PLCB4: variants seen among roughly 807,000 people sequenced by gnomAD.
PLCB4 encodes the protein phospholipase C beta 4.
In PLCB4, 77 loss-of-function variants were observed where a neutral mutation model predicts 178.8. That is an observed-to-expected ratio of 0.43 (90% CI 0.36 to 0.52). PLCB4 has a LOEUF of 0.52. Among genes scored for constraint, PLCB4 ranks in the 20% least tolerant of loss-of-function variants. The pLI is 0.00. For missense variants in PLCB4, 1,024 were observed against 1,453.4 expected (o/e 0.70, Z 4.80); for synonymous variants, 496 against 490.8 (o/e 1.01, Z -0.14).
chr20:9,214,449 C>G (rs967611701), intron 2 of PLCB4, among the ~76,000 whole-genome samples: 12 of 152,024 alleles, frequency 7.9e-5, no homozygotes, highest in Non-Finnish European at 1.6e-4. Flanking sequence ...CTTTTGTTTG[C>G]ATTAACACTG....
chr20:9,204,162 A>G (rs2093587263), intron 2 of PLCB4, among the ~76,000 whole-genome samples: 1 of 152,184 alleles, frequency 6.6e-6, no homozygotes, highest in Non-Finnish European at 1.5e-5. Context: ...AAGATTCAAA[A>G]TAGTTAAAAT....
At chr20:9,477,349 A>G (rs1363929570) in intron 39 of PLCB4, among the ~76,000 whole-genome samples, 1 of 152,186 alleles carries the variant, frequency 6.6e-6, no homozygotes, top group African/African-American at 2.4e-5. Flanking sequence ...ACAGGCATAA[A>G]CTGGAATTGC....
At chr20:9,296,375 A>T (rs1240524294) in intron 3 of PLCB4, among the ~76,000 whole-genome samples, 1 of 152,204 alleles carries the variant, frequency 6.6e-6, no homozygotes, top group Non-Finnish European at 1.5e-5. Flanking sequence ...GCTGGAGAGG[A>T]TGTGGAGAAA....
At chr20:9,390,075 G>T in intron 16 of PLCB4, 117 bp downstream of exon 16, 1 of 600,368 alleles carries the variant, frequency 1.7e-6, no homozygotes. Context: ...GAAGTACTAA[G>T]TTCAAATAAT....
chr20:9,475,301 C>T (rs543387414), intron 38 of PLCB4, among the ~76,000 whole-genome samples: 216 of 152,272 alleles, frequency 1.4e-3, no homozygotes, highest in East Asian at 5.8e-4. Flanking sequence ...CATCTTGTGT[C>T]GCTAGCTTTG....
At chr20:9,320,626 G>A (rs1017553702) in intron 4 of PLCB4, among the ~76,000 whole-genome samples, 3 of 152,138 alleles carry the variant, frequency 2.0e-5, no homozygotes, top group Non-Finnish European at 4.4e-5. Context: ...TTTCACTTAA[G>A]CCTCGAAACA....
chr20:9,287,369 G>A (rs748330905), intron 3 of PLCB4, among the ~76,000 whole-genome samples: 1 of 151,960 alleles, frequency 6.6e-6, no homozygotes, highest in Non-Finnish European at 1.5e-5. Flanking sequence ...TAAAATATCA[G>A]TTTACTTTGA....
At chr20:9,428,879 A>C (rs144077934) in intron 28 of PLCB4, among the ~76,000 whole-genome samples, 161 of 152,306 alleles carry the variant, frequency 1.1e-3, no homozygotes, top group African/African-American at 3.8e-3. Context: ...AAAGCCAATA[A>C]GCATCTGGAA....
At chr20:9,282,484 A>G (rs2094502828) in intron 3 of PLCB4, among the ~76,000 whole-genome samples, 1 of 151,880 alleles carries the variant, frequency 6.6e-6, no homozygotes, top group African/African-American at 2.4e-5. Flanking sequence ...GCAAGTTTCT[A>G]ATTGCTTCCT....
intron 2 of PLCB4, among the ~76,000 whole-genome samples, chr20:9,125,644 G>A (rs1039385209): frequency 1.3e-5 from 2 of 152,012 alleles, no homozygotes; most frequent in East Asian, 1.9e-4. Flanking sequence ...GAGGTTCATG[G>A]CATAAAATTT....
chr20:9,110,430 G>T (rs1229578473), intron 2 of PLCB4, among the ~76,000 whole-genome samples: 1 of 151,882 alleles, frequency 6.6e-6, no homozygotes, highest in Admixed American at 6.6e-5. Flanking sequence ...CTTTTGTGGG[G>T]GAAATAAAAA....
chr20:9,157,117 T>C (rs1268093527), intron 2 of PLCB4, among the ~76,000 whole-genome samples: 1 of 151,560 alleles, frequency 6.6e-6, no homozygotes, highest in Non-Finnish European at 1.5e-5. Flanking sequence ...TAATATGAAG[T>C]AACTTCCCCA....
chr20:9,343,068 C>T (rs2033414303), intron 7 of PLCB4, among the ~76,000 whole-genome samples: 1 of 152,114 alleles, frequency 6.6e-6, no homozygotes, highest in Non-Finnish European at 1.5e-5. Context: ...GTCCAGCACT[C>T]CCTGGGCAAT....
Position 9,473,324 on chromosome 20 carries a change from C to A in PLCB4, c.3454C>A (p.Gln1152Lys). ...SKEMDQLKKV[Q>K]LEHLEFLEKQ... ...AGAAATGGATCAGTTGAAAAAAGTC[C>A]AGCTTGAACATCTAGAATTCCTAGA... Residue 1152 changes from glutamine (Q) to lysine (K), a missense_variant, in exon 38 of 40, where the codon CAG (glutamine) becomes AAG (lysine). Physicochemically the swap from Gln to Lys is moderately conservative, Grantham distance 53. Around this residue, in one of 7 missense-constraint regions of PLCB4, gnomAD observed 264 missense variants for 283.2 expected, o/e 0.93. Transcript: ENST00000378473. The A allele has an allele frequency of 6.3e-7, 1 of 1,597,552 alleles. No homozygotes were observed. Among genetic ancestry groups the A allele is most frequent in the Non-Finnish European group, 8.5e-7 (1 of 1,170,400 alleles).
At chr20:9,159,333 G>T (rs1600796867) in intron 2 of PLCB4, among the ~76,000 whole-genome samples, 1 of 152,194 alleles carries the variant, frequency 6.6e-6, no homozygotes, top group East Asian at 1.9e-4. Context: ...GAGACCATTG[G>T]GACTAGTGTC....
At chr20:9,468,470 C>G (rs1237453370) in intron 35 of PLCB4, 101 bp from the exon 36 acceptor site, 1 of 739,780 alleles carries the variant, frequency 1.4e-6, no homozygotes, top group Non-Finnish European at 2.4e-6. Context: ...CTGCCACCCA[C>G]CTCTAGAACT....
At chr20:9,201,314 A>G (rs2093542217) in intron 2 of PLCB4, among the ~76,000 whole-genome samples, 3 of 152,234 alleles carry the variant, frequency 2.0e-5, no homozygotes, top group Admixed American at 6.5e-5. Flanking sequence ...CTGTATATAT[A>G]TAATTGCATA....
chr20:9,364,334 C>T (rs2035597528), intron 8 of PLCB4, among the ~76,000 whole-genome samples: 1 of 152,176 alleles, frequency 6.6e-6, no homozygotes, highest in Non-Finnish European at 1.5e-5. Flanking sequence ...AACATCCTGC[C>T]CAGATCCCTT....
intron 2 of PLCB4, among the ~76,000 whole-genome samples, chr20:9,107,013 T>C (rs763887229): frequency 1.6e-4 from 24 of 152,172 alleles, no homozygotes; most frequent in Non-Finnish European, 2.6e-4. Flanking sequence ...AAATTTCAAA[T>C]ATACACAAAA....
Sources: gnomAD v4.1 joint callset for allele counts (sites outside exome capture counted in the v4.1 genomes callset) on GRCh38, gnomAD v4.1.1 for gene constraint, gnomAD v4.1.1 regional missense constraint, MANE v1.5 for transcripts, NCBI Gene and HGNC (gene_info 2026-07-23, HGNC 2026-07-21) for gene names.